GLI1: variants seen among roughly 807,000 people sequenced by gnomAD.
GLI1 encodes the protein GLI family zinc finger 1, also known as transcription activator GLI1.
Under a neutral mutation model 87.8 loss-of-function variants are expected in GLI1, and 51 were observed. The ratio of observed to expected loss-of-function variants is 0.58; its 90% CI spans 0.46 to 0.73. The LOEUF is 0.73. Ranked by LOEUF, GLI1 falls within the 30% of genes least tolerant of loss-of-function variation. The pLI is 0.00. For synonymous variants in GLI1, 528 were observed against 558.2 expected, an observed-to-expected ratio of 0.95 and a Z score of 0.76; for missense variants, 1,292 against 1,437.2, an observed-to-expected ratio of 0.90 and a Z score of 1.63.
chr12:57,464,237 G>C, intron 3 of GLI1, 146 bp downstream of exon 3: 3 of 664,074 alleles, frequency 4.5e-6, no homozygotes, highest in Non-Finnish European at 8.1e-6. Context: ...TCACAGATGG[G>C]GCCGGGCGCG....
chr12:57,468,231 G>A lies in GLI1; in HGVS notation c.1308+7G>A, dbSNP rs754705135. 8 of 1,597,046 alleles carry A rather than the reference G, an allele frequency of 5.0e-6. No individual in the cohort carries two copies. The highest frequency in any genetic ancestry group is 1.7e-4 in the Middle Eastern group (1 of 6,026). On this transcript the variant is annotated splice_region_variant and intron_variant, in intron 10 of 11. Transcript: ENST00000228682. ...TGTGCCAGAGGGTGCCATGGTGAGA[G>A]AGCCCAGGCAACCCTCACCTCCATA...
chr12:57,466,872 C>T (rs2139857777), intron 8 of GLI1, among the ~76,000 whole-genome samples: 1 of 152,144 alleles, frequency 6.6e-6, no homozygotes, highest in East Asian at 1.9e-4. Flanking sequence ...CCACTGCACT[C>T]CAGCCTGGGC....
chr12:57,469,522 T>C lies in GLI1; in HGVS notation c.1400T>C (p.Met467Thr), dbSNP rs1164792355. 2 of 1,614,146 alleles carry C rather than the reference T, an allele frequency of 1.2e-6. No individual in the cohort carries two copies. The highest frequency in any genetic ancestry group is 1.7e-6 in the Non-Finnish European group (2 of 1,180,026). The change falls in exon 11 of 12, where the codon ATG becomes ACG. Residue 467 changes from methionine to threonine, a missense_variant. This residue lies in a region of GLI1 where 897 missense variants were observed against 1,040.7 expected (regional missense o/e 0.86). Coordinates refer to ENST00000228682, the MANE Select transcript of GLI1 (RefSeq NM_005269.3). ...SAANTDSGVEMTGNAGGSTED... is the reference protein window; with the variant it reads ...SAANTDSGVETTGNAGGSTED... ...GCCAATACAGACAGTGGTGTGGAAATGACTGGCAATGCAGGGGGCAGCACT... is the reference window on the plus strand; with the variant it reads ...GCCAATACAGACAGTGGTGTGGAAACGACTGGCAATGCAGGGGGCAGCACT...
At position 57,472,105 on chromosome 12, in the gene GLI1, G is replaced by T; in HGVS notation, c.*44G>T. Reference sequence around the variant, plus strand: ...CATCACAGATCGCATTTCCTAAGGGGTTTCTATCCTTCCAGAAAAATTGGG... The same window carrying T: ...CATCACAGATCGCATTTCCTAAGGGTTTTCTATCCTTCCAGAAAAATTGGG... On this transcript the variant is annotated 3_prime_UTR_variant, in exon 12 of 12. Coordinates refer to ENST00000228682, the MANE Select transcript of GLI1 (RefSeq NM_005269.3). 1.5e-6 allele frequency: 2 copies of T among 1,352,816 alleles called. No individual in the cohort carries two copies. Among genetic ancestry groups the T allele is most frequent in the Non-Finnish European group, 9.9e-7 (1 of 1,005,724 alleles). 83.8% of individuals were successfully genotyped at this position (1,352,816 alleles called of 1,614,324 possible). A position where few individuals can be genotyped will look rare whatever the true frequency, so the allele number is the denominator to read the frequency against.
chr12:57,466,251 C>G lies in GLI1; in HGVS notation c.774C>G (p.Ser258Arg), dbSNP rs150321991. 5.0e-6 allele frequency: 8 copies of G among 1,612,748 alleles called. No individual in the cohort carries two copies. Among genetic ancestry groups the G allele is most frequent in the Non-Finnish European group, 6.8e-6 (8 of 1,179,298 alleles). The change falls in exon 8 of 12, where the codon AGC (serine) becomes AGG (arginine). Residue 258 changes from serine to arginine, a missense_variant. Ser to Arg is a moderately radical substitution (Grantham distance 110). Transcript: ENST00000228682. ...SQEQLVHHIN[S>R]EHIHGERKEF... ...ATCTTCTCCCTCAGCACATCAACAGCGAGCACATCCACGGGGAGCGGAAGG... is the reference window on the plus strand; with the variant it reads ...ATCTTCTCCCTCAGCACATCAACAGGGAGCACATCCACGGGGAGCGGAAGG...
At position 57,464,087 on chromosome 12, in the gene GLI1, C is replaced by T. The variant is rs774592251; in HGVS notation, c.189C>T (p.Thr63=). The change falls in exon 3 of 12, where the codon ACC becomes ACT. Residue 63 remains threonine, a synonymous_variant. Coordinates refer to ENST00000228682, the MANE Select transcript of GLI1 (RefSeq NM_005269.3). The stretch of plus-strand genomic sequence containing the variant: ...CAGCCAGAGAGACCAACAGCTGCAC[C>T]GAGGGTGAGGGCTCAGGCAACACCT... The part of the protein sequence containing the change: ...YGPARETNSC[T]EGPLFSSPRS... 4.6e-5 allele frequency: 73 copies of T among 1,599,400 alleles called. 1 individual carries two copies. Among genetic ancestry groups the T allele is most frequent in the South Asian group, 1.7e-4 (15 of 90,776 alleles).
chr12:57,460,814 G>C (rs1871091535), intron 1 of GLI1, among the ~76,000 whole-genome samples: 1 of 152,052 alleles, frequency 6.6e-6, no homozygotes, highest in Non-Finnish European at 1.5e-5. Flanking sequence ...GAAGGCCCTA[G>C]AATGACCCCA....
In GLI1 at chr12:57,463,979, C is replaced by T. The variant is rs1458766480; in HGVS notation, c.101-20C>T. 6.4e-7 allele frequency: 1 copy of T among 1,572,494 alleles called. No individual in the cohort carries two copies. Among genetic ancestry groups the T allele is most frequent in the African/African-American group, 1.3e-5 (1 of 74,094 alleles). ...GTTTATGTATCCTCCATTCCCATTC[C>T]AGCTGTCTCTTTTTTCTAGGACTGT... On this transcript the variant is annotated intron_variant, in intron 2 of 11. Transcript: ENST00000228682.
At chr12:57,466,794 C>A (rs1304759535) in intron 8 of GLI1, among the ~76,000 whole-genome samples, 2 of 151,996 alleles carry the variant, frequency 1.3e-5, no homozygotes, top group African/African-American at 2.4e-5. Flanking sequence ...GTCCCTGCTA[C>A]TTGGGAGGAT....
At position 57,471,325 on chromosome 12, in the gene GLI1, C is replaced by T. The variant is rs762897107; in HGVS notation, c.2585C>T (p.Ser862Leu). 48 of 1,577,726 alleles carry T rather than the reference C, an allele frequency of 3.0e-5. No individual in the cohort carries two copies. The South Asian group carries it at 5.6e-4, about 18-fold the overall frequency. ...CCCTCTCCTCCCCAATATCTCCAGTCAGGCCCCTATACCCAGCCACCCCCT... is the reference window on the plus strand; with the variant it reads ...CCCTCTCCTCCCCAATATCTCCAGTTAGGCCCCTATACCCAGCCACCCCCT... Reference protein sequence around the residue: ...PQPSPPQYLQSGPYTQPPPDY... With the variant: ...PQPSPPQYLQLGPYTQPPPDY... The change falls in exon 12 of 12, where the codon TCA becomes TTA. Residue 862 changes from serine (S) to leucine (L), a missense_variant. By Grantham distance (145) the Ser-to-Leu change is moderately radical (BLOSUM62 -2). This residue lies in a region of GLI1 where 897 missense variants were observed against 1,040.7 expected (regional missense o/e 0.86). Coordinates refer to ENST00000228682, the MANE Select transcript of GLI1 (RefSeq NM_005269.3). This position sits in a 1 kb window ranked among gnomAD's most constrained non-coding sequence, Gnocchi z 4.9.
At chr12:57,468,447 CTTCT>C (rs1202886449) in intron 10 of GLI1, among the ~76,000 whole-genome samples, 1 of 151,732 alleles carries the variant, frequency 6.6e-6, no homozygotes, top group East Asian at 1.9e-4. Flanking sequence ...TCCTTCCTTC[CTTCT>C]TTCCTTCTTT....
rs1377027746 is a variant in GLI1, at chr12:57,465,712, G to A, written c.624+16G>A. ...AGGCATACAGGTAAGGGGATGGGCA[G>A]GAGCTTTACCTCTGGGACCTGAGCA... On this transcript the variant is annotated intron_variant, in intron 6 of 11. Transcript: ENST00000228682. 6.2e-7 allele frequency: 1 copy of A among 1,613,244 alleles called. No individual in the cohort carries two copies. The highest frequency in any genetic ancestry group is 2.2e-5 in the East Asian group (1 of 44,884).
Position 57,470,986 on chromosome 12 carries a change from G to C in GLI1, c.2246G>C (p.Gly749Ala). Residue 749 changes from glycine to alanine, a missense_variant, in exon 12 of 12, where the codon GGC (glycine) becomes GCC (alanine). Physicochemically the swap from Gly to Ala is moderately conservative, Grantham distance 60. Around this residue, in one of 3 missense-constraint regions of GLI1, gnomAD observed 897 missense variants for 1,040.7 expected, o/e 0.86. Transcript: ENST00000228682. ...AAEPYGARGP[G>A]SLPLGPGPPT... ...GAGCCTTATGGAGCGAGGGGTCCAG[G>C]CTCTCTGCCTCTTGGGCCTGGTCCA... 1 of 1,612,688 alleles carries C rather than the reference G, an allele frequency of 6.2e-7. No homozygotes were observed. The highest frequency in any genetic ancestry group is 2.2e-5 in the East Asian group (1 of 44,872).
rs375975477 is a variant in GLI1 at position 57,471,345 on chromosome 12, C to T, written c.2605C>T (p.Pro869Ser). 2 of 1,582,838 alleles carry T rather than the reference C, an allele frequency of 1.3e-6. No homozygotes were observed. The highest frequency in any genetic ancestry group is 1.7e-4 in the Middle Eastern group (1 of 5,940). Reference protein sequence around the residue: ...YLQSGPYTQPPPDYLPSEPRP... With the variant: ...YLQSGPYTQPSPDYLPSEPRP... Reference sequence around the variant, plus strand: ...CCAGTCAGGCCCCTATACCCAGCCACCCCCTGATTATCTTCCTTCAGAACC... The same window carrying T: ...CCAGTCAGGCCCCTATACCCAGCCATCCCCTGATTATCTTCCTTCAGAACC... Residue 869 changes from proline (P) to serine (S), a missense_variant, in exon 12 of 12, where the codon CCC becomes TCC. Pro to Ser is a moderately conservative substitution (Grantham distance 74, BLOSUM62 -1). Coordinates refer to ENST00000228682, the MANE Select transcript of GLI1 (RefSeq NM_005269.3). The surrounding 1 kb of genome is among the most constrained non-coding windows in gnomAD (Gnocchi z 4.9).
In GLI1 at chr12:57,470,924, T is replaced by C. The variant is rs1368023221; in HGVS notation, c.2184T>C (p.Asp728=). ...CCTATATGGACTTCCCACCTACTGA[T>C]ACTCTGGGATATGGGGGACCTGAAG... ...LNPYMDFPPT[D]TLGYGGPEGA... The change falls in exon 12 of 12, where the codon GAT becomes GAC. Residue 728 remains aspartate (D), a synonymous_variant. Coordinates refer to ENST00000228682, the MANE Select transcript of GLI1 (RefSeq NM_005269.3). 3 of 1,613,862 alleles carry C rather than the reference T, an allele frequency of 1.9e-6. No homozygotes were observed. The highest frequency in any genetic ancestry group is 1.7e-5 in the Admixed American group (1 of 59,996).
chr12:57,463,770 GC>G lies in GLI1; in HGVS notation c.84del (p.Ser29ValfsTer49). 5 of 1,604,664 alleles carry G rather than the reference GC, an allele frequency of 3.1e-6. No individual in the cohort carries two copies. The highest frequency in any genetic ancestry group is 1.7e-6 in the Non-Finnish European group (2 of 1,175,048). Reference protein sequence around the residue: ...CCLRPLPSQGAPSVGTEGLSG... With the variant: ...CCLRPLPSQGXPSVGTEGLSG... ...TCTCCGGCCCCTCCCCAGTCAGGGG[GC>G]CCCCAGTGTGGGGACAGAAGGTCAG... On this transcript the variant is annotated frameshift_variant, in exon 2 of 12. Transcript: ENST00000228682. LOFTEE classifies it high-confidence loss of function.
At chr12:57,465,308 G>T in intron 5 of GLI1, 53 bp downstream of exon 5, 1 of 1,482,146 alleles carries the variant, frequency 6.7e-7, no homozygotes, top group East Asian at 2.3e-5. Flanking sequence ...GTGGGTGGGT[G>T]GTGGATTTTG....
chr12:57,465,240 C>T lies in GLI1; in HGVS notation c.519C>T (p.Pro173=), dbSNP rs758586625. 2.5e-6 allele frequency: 4 copies of T among 1,610,594 alleles called. No homozygotes were observed. Among genetic ancestry groups the T allele is most frequent in the African/African-American group, 1.3e-5 (1 of 74,820 alleles). ...TCCCACATCCTCAGTCCCGGGGACC[C>T]TTCCCAACTTGCCAGGTGAGAGTCC... ...GMIPHPQSRG[P]FPTCQLKSEL... Residue 173 remains proline (P), a synonymous_variant, in exon 5 of 12, where the codon CCC becomes CCT. Coordinates refer to ENST00000228682, the MANE Select transcript of GLI1 (RefSeq NM_005269.3).
At chr12:57,467,525 C>A (rs755525815) in intron 9 of GLI1, 28 bp downstream of exon 9, 3 of 1,562,296 alleles carry the variant, frequency 1.9e-6, no homozygotes, top group Non-Finnish European at 2.6e-6. Context: ...GCGACCCTCC[C>A]CTCTTGAGAA....
Sources: allele counts gnomAD v4.1 joint callset (sites outside exome capture counted in the v4.1 genomes callset), GRCh38; gene constraint gnomAD v4.1.1; regional missense constraint gnomAD v4.1.1; non-coding constraint Gnocchi (gnomAD v3.1); transcripts MANE v1.5; gene names NCBI Gene and HGNC (gene_info 2026-07-23, HGNC 2026-07-21).